PHLPP1: variants seen among roughly 807,000 people sequenced by gnomAD.
PHLPP1 encodes the protein PH domain and leucine rich repeat protein phosphatase 1.
In PHLPP1, 42 loss-of-function variants were observed where a neutral mutation model predicts 117.2. The ratio of observed to expected loss-of-function variants is 0.36; its 90% CI spans 0.28 to 0.46. The LOEUF (loss-of-function observed/expected upper bound fraction) is 0.46, where lower values mean the gene tolerates loss of function less well. Among genes scored for constraint, PHLPP1 ranks in the 20% least tolerant of loss-of-function variants. The pLI is 1.00. For missense variants in PHLPP1, 2,084 were observed against 2,241.9 expected (o/e 0.93, Z 1.42); for synonymous variants, 1,042 against 970.7 (o/e 1.07, Z -1.37).
intron 4 of PHLPP1, among the ~76,000 whole-genome samples, chr18:62,893,568 A>G (rs1053063915): frequency 2.0e-5 from 3 of 152,198 alleles, no homozygotes; most frequent in East Asian, 1.9e-4. Flanking sequence ...TTTAGAATCA[A>G]CTTTTATTTA....
chr18:62,973,594 G>C (rs9964779), intron 15 of PHLPP1, among the ~76,000 whole-genome samples: 2,026 of 152,264 alleles, frequency 0.013, 48 homozygotes, highest in African/African-American at 0.046. Context: ...CTGGGGAGGA[G>C]TGTTCAGAGC....
chr18:62,836,632 A>T (rs1248944579), intron 2 of PHLPP1, among the ~76,000 whole-genome samples: 1 of 149,460 alleles, frequency 6.7e-6, no homozygotes, highest in Non-Finnish European at 1.5e-5. Context: ...GTTTTCCTTC[A>T]TTTTTTTGTT....
intron 1 of PHLPP1, among the ~76,000 whole-genome samples, chr18:62,771,665 T>C (rs1410089540): frequency 6.6e-6 from 1 of 152,230 alleles, no homozygotes; most frequent in South Asian, 2.1e-4. Flanking sequence ...GGTCCTCTAG[T>C]TATGAGGAGG....
At chr18:62,813,522 C>T (rs1217256209) in intron 1 of PHLPP1, among the ~76,000 whole-genome samples, 1 of 152,186 alleles carries the variant, frequency 6.6e-6, no homozygotes, top group East Asian at 1.9e-4. Context: ...TTCTCTCTGA[C>T]CTGATTTGCT....
chr18:62,779,950 G>A (rs1011831816), intron 1 of PHLPP1, among the ~76,000 whole-genome samples: 1 of 152,128 alleles, frequency 6.6e-6, no homozygotes, highest in African/African-American at 2.4e-5. Flanking sequence ...TCTGCCAGTA[G>A]CCAACTGTCC....
chr18:62,766,030 C>T (rs1912468678), intron 1 of PHLPP1, among the ~76,000 whole-genome samples: 1 of 112,856 alleles, frequency 8.9e-6, no homozygotes, highest in Non-Finnish European at 1.8e-5. Context: ...CACTGCGCTC[C>T]AGCCTGGGCG....
At chr18:62,911,197 C>A (rs1916943942) in intron 8 of PHLPP1, among the ~76,000 whole-genome samples, 1 of 24,114 alleles carries the variant, frequency 4.1e-5, no homozygotes, top group Non-Finnish European at 9.0e-5. Context: ...CCATAAAAAC[C>A]CTAGAAGAAA....
chr18:62,905,997 A>G (rs1278478498), intron 8 of PHLPP1, among the ~76,000 whole-genome samples: 1 of 151,906 alleles, frequency 6.6e-6, no homozygotes, highest in East Asian at 1.9e-4. Flanking sequence ...TTAAAATTGC[A>G]ACTCATTTGG....
intron 1 of PHLPP1, among the ~76,000 whole-genome samples, chr18:62,721,153 T>C (rs561282245): frequency 6.6e-6 from 1 of 152,136 alleles, no homozygotes; most frequent in Non-Finnish European, 1.5e-5. Context: ...TGGTATTTCT[T>C]GTGAAATGTG....
At chr18:62,941,988 T>C in intron 11 of PHLPP1, 70 bp downstream of exon 11, 1 of 1,249,942 alleles carries the variant, frequency 8.0e-7, no homozygotes. Flanking sequence ...AGGTGAAGGC[T>C]GAAATATTTA....
At chr18:62,846,189 A>G (rs1028031285) in intron 3 of PHLPP1, among the ~76,000 whole-genome samples, 16 of 146,130 alleles carry the variant, frequency 1.1e-4, no homozygotes, top group Non-Finnish European at 1.7e-4. Context: ...AGCCTGGGCA[A>G]TGAGAGCAAA....
intron 1 of PHLPP1, among the ~76,000 whole-genome samples, chr18:62,829,560 T>G (rs2144330797): frequency 6.6e-6 from 1 of 152,314 alleles, no homozygotes; most frequent in Middle Eastern, 3.4e-3. Flanking sequence ...GAGACCAGCC[T>G]GACCAACATG....
At chr18:62,719,478 A>G (rs1220661750) in intron 1 of PHLPP1, among the ~76,000 whole-genome samples, 1 of 152,212 alleles carries the variant, frequency 6.6e-6, no homozygotes, top group African/African-American at 2.4e-5. Context: ...GACTCCACAT[A>G]TAGTGAAGGT....
chr18:62,963,571 C>T, intron 14 of PHLPP1, 99 bp downstream of exon 14: 1 of 754,874 alleles, frequency 1.3e-6, no homozygotes, highest in South Asian at 1.8e-5. Context: ...ACACTTTTCT[C>T]ATGTAAAATT....
At chr18:62,914,487 T>C (rs2144418242) in intron 8 of PHLPP1, among the ~76,000 whole-genome samples, 1 of 152,280 alleles carries the variant, frequency 6.6e-6, no homozygotes, top group African/African-American at 2.4e-5. Flanking sequence ...CAGGTTGGAG[T>C]GCAGTGATGA....
At chr18:62,721,781 A>G (rs1018346476) in intron 1 of PHLPP1, among the ~76,000 whole-genome samples, 1 of 152,188 alleles carries the variant, frequency 6.6e-6, no homozygotes, top group Non-Finnish European at 1.5e-5. Flanking sequence ...TTTGGTTGCT[A>G]TAAGATTATC....
chr18:62,796,154 TTTG>T, intron 1 of PHLPP1, among the ~76,000 whole-genome samples: 1 of 152,364 alleles, frequency 6.6e-6, no homozygotes, highest in African/African-American at 2.4e-5. Flanking sequence ...GATAATGGAT[TTTG>T]TTGAAGTACC....
At chr18:62,732,512 G>A (rs1423777903) in intron 1 of PHLPP1, among the ~76,000 whole-genome samples, 1 of 152,184 alleles carries the variant, frequency 6.6e-6, no homozygotes, top group African/African-American at 2.4e-5. Flanking sequence ...GGTCATCCAA[G>A]AGCTCTGAGG....
intron 1 of PHLPP1, among the ~76,000 whole-genome samples, chr18:62,776,017 C>A (rs1236243041): frequency 6.6e-6 from 1 of 151,804 alleles, no homozygotes; most frequent in Admixed American, 6.6e-5. Flanking sequence ...AATAAGATAG[C>A]CTATCTATGT....
Sources: allele counts gnomAD v4.1 joint callset (sites outside exome capture counted in the v4.1 genomes callset), GRCh38; gene constraint gnomAD v4.1.1; transcripts MANE v1.5; gene names NCBI Gene and HGNC (gene_info 2026-07-23, HGNC 2026-07-21).